Variants in TAAR5 observed in about 807,000 individuals in gnomAD.
TAAR5 encodes trace amine-associated receptor 5.
In TAAR5, 27 loss-of-function variants were observed where a neutral mutation model predicts 21.1. The ratio of observed to expected loss-of-function variants is 1.28; its 90% CI spans 0.94 to 1.76. The LOEUF (loss-of-function observed/expected upper bound fraction) is 1.76. Among genes scored for constraint, TAAR5 ranks in the 40% most tolerant of loss-of-function variants. TAAR5 has a pLI of 0.00. For synonymous variants in TAAR5, 203 were observed against 167.5 expected, an observed-to-expected ratio of 1.21 and a Z score of -1.64; for missense variants, 495 against 405.6, an observed-to-expected ratio of 1.22 and a Z score of -1.89.
At chr6:132,600,226 T>C in the TAAR5 span, among the ~76,000 whole-genome samples, 228 of 152,302 alleles carry the variant, frequency 1.5e-3, no homozygotes, top group African/African-American at 5.0e-3. Flanking sequence ...AGTAGTAGTA[T>C]TGTTTAACTT....
At chr6:132,611,217 A>G in the TAAR5 span, among the ~76,000 whole-genome samples, 570 of 48,090 alleles carry the variant, frequency 0.012, 8 homozygotes, top group African/African-American at 0.13. Flanking sequence ...TAAAAAAAAG[A>G]AAAAAAAAAA....
chr6:132,596,869 A>G, the TAAR5 span, among the ~76,000 whole-genome samples: 1 of 152,074 alleles, frequency 6.6e-6, no homozygotes, highest in Non-Finnish European at 1.5e-5. Flanking sequence ...TTAATATCTA[A>G]TATTTTATTT....
chr6:132,616,611 A>C, the TAAR5 span, among the ~76,000 whole-genome samples: 1 of 152,208 alleles, frequency 6.6e-6, no homozygotes, highest in Non-Finnish European at 1.5e-5. Flanking sequence ...CAACAGCAGA[A>C]TCTAGTAAAG....
chr6:132,605,162 G>C, the TAAR5 span, among the ~76,000 whole-genome samples: 1 of 152,238 alleles, frequency 6.6e-6, no homozygotes. Flanking sequence ...CCCATGCCCA[G>C]ACTGGGCGGA....
chr6:132,602,908 A>G, the TAAR5 span, among the ~76,000 whole-genome samples: 1 of 152,122 alleles, frequency 6.6e-6, no homozygotes, highest in Non-Finnish European at 1.5e-5. Flanking sequence ...CATGAACTAA[A>G]GAGCTCATAA....
rs1776874439 is a variant in TAAR5 at position 132,589,612 on chromosome 6, G to A, written c.75C>T (p.Pro25=). The change falls in exon 1 of 1, where the codon CCC becomes CCT. Residue 25 remains proline (P), a synonymous_variant. Coordinates refer to ENST00000258034, the MANE Select transcript of TAAR5 (RefSeq NM_003967.3). ...GGATGCCCAGAGTATGTACTGTCCT[G>A]GGGCAAGACCCATTCACCTGGTAGC... The part of the protein sequence containing the change: ...AFCYQVNGSC[P]RTVHTLGIQL... 2 of 1,613,698 alleles carry A rather than the reference G, an allele frequency of 1.2e-6. No individual in the cohort carries two copies. Among genetic ancestry groups the A allele is most frequent in the African/African-American group, 1.3e-5 (1 of 74,844 alleles).
At chr6:132,606,855 C>T in the TAAR5 span, among the ~76,000 whole-genome samples, 5 of 152,048 alleles carry the variant, frequency 3.3e-5, no homozygotes, top group Admixed American at 1.3e-4. Flanking sequence ...TTAAAATTTC[C>T]GATTTCAAAG....
At chr6:132,600,873 G>GAGGGAAGGAGGGAAGA in the TAAR5 span, among the ~76,000 whole-genome samples, 1 of 93,092 alleles carries the variant, frequency 1.1e-5, no homozygotes, top group South Asian at 4.1e-4. Context: ...AGGAAGGAGA[G>GAGGGAAGGAGGGAAGA]AGGGAAGGAG....
chr6:132,589,777 T>C, upstream of TAAR5: 1 of 667,124 alleles, frequency 1.5e-6, no homozygotes, highest in Non-Finnish European at 2.2e-6. Flanking sequence ...AAAAAAAAAA[T>C]ATGTCTGCTA....
the TAAR5 span, chr6:132,608,203 A>G: frequency 2.6e-6 from 1 of 379,764 alleles, no homozygotes; most frequent in Non-Finnish European, 5.1e-6. Flanking sequence ...AAATAATAAC[A>G]ATCTCATTTG....
chr6:132,605,504 C>T, the TAAR5 span, among the ~76,000 whole-genome samples: 22 of 152,166 alleles, frequency 1.4e-4, no homozygotes, highest in Non-Finnish European at 2.2e-4. Context: ...CTCATTCTAA[C>T]AGCCATGTGC....
the TAAR5 span, chr6:132,609,124 A>G: frequency 2.4e-6 from 1 of 419,908 alleles, no homozygotes; most frequent in East Asian, 7.1e-5. Flanking sequence ...GGAAACCATT[A>G]TAACCAAGTT....
chr6:132,607,187 C>A, the TAAR5 span, among the ~76,000 whole-genome samples: 1 of 151,718 alleles, frequency 6.6e-6, no homozygotes, highest in East Asian at 1.9e-4. Flanking sequence ...AGAGTGAGAC[C>A]CTGTCTCAAA....
the TAAR5 span, among the ~76,000 whole-genome samples, chr6:132,616,688 A>T: frequency 6.6e-6 from 1 of 152,238 alleles, no homozygotes; most frequent in Non-Finnish European, 1.5e-5. Context: ...TGTTATTTCC[A>T]TATTTACTTA....
the TAAR5 span, among the ~76,000 whole-genome samples, chr6:132,607,015 A>T: frequency 6.6e-6 from 1 of 151,882 alleles, no homozygotes. Context: ...GGACAACATG[A>T]CGAAACCCTG....
chr6:132,605,236 G>A, the TAAR5 span, among the ~76,000 whole-genome samples: 1 of 152,218 alleles, frequency 6.6e-6, no homozygotes, highest in Middle Eastern at 3.2e-3. Context: ...AGAGAAAAGT[G>A]TCAACGCCAG....
the TAAR5 span, among the ~76,000 whole-genome samples, chr6:132,601,846 A>T: frequency 6.6e-6 from 1 of 152,218 alleles, no homozygotes; most frequent in Non-Finnish European, 1.5e-5. Flanking sequence ...TGTACATACA[A>T]GATTGTTTAC....
chr6:132,602,878 A>C, the TAAR5 span, among the ~76,000 whole-genome samples: 3 of 152,050 alleles, frequency 2.0e-5, no homozygotes, highest in South Asian at 6.2e-4. Flanking sequence ...TATTTTCATA[A>C]GAGTTTGCAG....
At chr6:132,608,283 A>T in the TAAR5 span, 1,110 of 439,640 alleles carry the variant, frequency 2.5e-3, 10 homozygotes, top group African/African-American at 0.021. Flanking sequence ...CAGTTTCTGA[A>T]TGGGAGCTAA....
Sources: gnomAD v4.1 joint callset for allele counts (sites outside exome capture counted in the v4.1 genomes callset) on GRCh38, gnomAD v4.1.1 for gene constraint, MANE v1.5 for transcripts, NCBI Gene and HGNC (gene_info 2026-07-23, HGNC 2026-07-21) for gene names.